HEATR4: variants seen among roughly 807,000 people sequenced by gnomAD.
The protein encoded by HEATR4 is HEAT repeat-containing protein 4.
A neutral mutation model predicts 108.8 loss-of-function variants in HEATR4; 95 were observed. The observed-to-expected ratio is 0.87, with a 90% CI of 0.74 to 1.04. HEATR4 has a LOEUF of 1.04. Ranked by LOEUF, HEATR4 falls within the 50% of genes least tolerant of loss-of-function variation. HEATR4 has a pLI of 0.00. For missense variants in HEATR4, 1,152 were observed against 1,253.8 expected, an observed-to-expected ratio of 0.92 and a Z score of 1.23; for synonymous variants, 443 against 459.4, an observed-to-expected ratio of 0.96 and a Z score of 0.46.
chr14:73,497,062 G>T (rs1886149611), intron 14 of HEATR4, among the ~76,000 whole-genome samples: 1 of 152,104 alleles, frequency 6.6e-6, no homozygotes, highest in South Asian at 2.1e-4. Flanking sequence ...TGCCCAGCTA[G>T]TTTTTGTATT....
chr14:73,614,610 A>T, the HEATR4 span, among the ~76,000 whole-genome samples: 1 of 151,590 alleles, frequency 6.6e-6, no homozygotes, highest in Admixed American at 6.6e-5. Context: ...AGCCAGGCAT[A>T]GTGGCTCACA....
chr14:73,522,686 G>A lies in HEATR4; in HGVS notation c.467C>T (p.Thr156Ile). The change falls in exon 3 of 18, where the codon ACC becomes ATC. Residue 156 changes from threonine to isoleucine, a missense_variant. Transcript: ENST00000553558. ...KKLKKSKPAS[T>I]VREAPRPLIH... Reference sequence around the variant, plus strand: ...GAGAGGGCGGGGTGCTTCCCGGACGGTGCTGGCTGGCTTTGATTTCTTCAG... The same window carrying A: ...GAGAGGGCGGGGTGCTTCCCGGACGATGCTGGCTGGCTTTGATTTCTTCAG... 6.2e-7 allele frequency: 1 copy of A among 1,614,244 alleles called. No individual in the cohort carries two copies. Among genetic ancestry groups the A allele is most frequent in the South Asian group, 1.1e-5 (1 of 91,086 alleles).
intron 5 of HEATR4, among the ~76,000 whole-genome samples, chr14:73,516,822 G>GC (rs1304479749): frequency 6.6e-6 from 1 of 152,222 alleles, no homozygotes; most frequent in Non-Finnish European, 1.5e-5. Flanking sequence ...GGTCTAGGCT[G>GC]CGCACCCTTT....
chr14:73,512,062 G>A lies in HEATR4; in HGVS notation c.1502C>T (p.Thr501Ile), dbSNP rs1480351764. The change falls in exon 7 of 18, where the codon ACA becomes ATA. Residue 501 changes from threonine (T) to isoleucine (I), a missense_variant. Coordinates refer to ENST00000553558, the MANE Select transcript of HEATR4 (RefSeq NM_001220484.1). ...CCGTTCCAAAGCAGCTGTGGCACATGTGGTGATAGCTTTGATCCGAACGTC... is the reference window on the plus strand; with the variant it reads ...CCGTTCCAAAGCAGCTGTGGCACATATGGTGATAGCTTTGATCCGAACGTC... ...HDDVRIKAIT[T>I]CATAALERPR... 2.5e-6 allele frequency: 4 copies of A among 1,614,152 alleles called. No individual in the cohort carries two copies. The highest frequency in any genetic ancestry group is 3.4e-6 in the Non-Finnish European group (4 of 1,180,024).
chr14:73,509,705 C>A (rs1887079418), intron 7 of HEATR4, among the ~76,000 whole-genome samples: 1 of 149,966 alleles, frequency 6.7e-6, no homozygotes. Context: ...ATCATCTGGC[C>A]TCTAAACAGC....
Position 73,534,891 on chromosome 14 carries a change from G to A in HEATR4, c.-151-4647C>T, listed in dbSNP as rs2140308369. Among the ~76,000 whole-genome samples, 2 of 105,858 alleles carry A rather than the reference G, an allele frequency of 1.9e-5. 1 individual carries two copies. The highest frequency in any genetic ancestry group is 1.5e-3 in the East Asian group (2 of 1,316). The allele number at this position is 105,858 out of a possible 152,430, so 69.4% of individuals were successfully genotyped here. A position where few individuals can be genotyped will look rare whatever the true frequency, so the allele number is the denominator to read the frequency against. ...TCCTCCTGGGCTCAAGCAATCTCCT[G>A]CCTAGGCCTCCCCCCTAACAGCTGG... On this transcript the variant is annotated intron_variant, in intron 1 of 17. Coordinates refer to ENST00000553558, the MANE Select transcript of HEATR4 (RefSeq NM_001220484.1).
At chr14:73,595,137 CCA>C in the HEATR4 span, 3 of 1,614,196 alleles carry the variant, frequency 1.9e-6, no homozygotes, top group Non-Finnish European at 2.5e-6. Flanking sequence ...AATGTCTCAG[CCA>C]CAGTTTCCAT....
chr14:73,562,661 C>T (rs543833083), upstream of HEATR4, among the ~76,000 whole-genome samples: 11 of 151,898 alleles, frequency 7.2e-5, no homozygotes, highest in South Asian at 8.3e-4. Context: ...GCATTCCTGG[C>T]GGGAGGTCTA....
At chr14:73,632,088 C>T in the HEATR4 span, 1 of 151,722 alleles carries the variant, frequency 6.6e-6, no homozygotes, top group African/African-American at 2.4e-5. Flanking sequence ...TAAATTTAAC[C>T]TTAATGAAAT....
chr14:73,528,915 T>C (rs962296279), intron 2 of HEATR4: 1 of 152,160 alleles, frequency 6.6e-6, no homozygotes, highest in Non-Finnish European at 1.5e-5. Context: ...AAAGGACTTA[T>C]TAATGGAGTT....
intron 1 of HEATR4, among the ~76,000 whole-genome samples, chr14:73,557,215 G>C (rs1287721664): frequency 6.1e-5 from 7 of 114,040 alleles, no homozygotes; most frequent in African/African-American, 2.0e-4. Context: ...GGTTGGAAGG[G>C]TTAGGCCACA....
chr14:73,575,863 A>G, the HEATR4 span, among the ~76,000 whole-genome samples: 3 of 152,176 alleles, frequency 2.0e-5, no homozygotes, highest in Admixed American at 6.5e-5. Flanking sequence ...CTGAATGAGT[A>G]TAAGTGAGCC....
intron 17 of HEATR4, among the ~76,000 whole-genome samples, chr14:73,483,576 C>G (rs1238957414): frequency 6.6e-6 from 1 of 152,076 alleles, no homozygotes; most frequent in African/African-American, 2.4e-5. Flanking sequence ...TAAATACTTT[C>G]AAGCACAATT....
At chr14:73,479,435 C>CTT (rs1566814183) in intron 17 of HEATR4, among the ~76,000 whole-genome samples, 5 of 89,722 alleles carry the variant, frequency 5.6e-5, no homozygotes, top group African/African-American at 1.8e-4. Context: ...TTCTTTCTTT[C>CTT]TTTCTTTTTT....
At chr14:73,604,153 T>C in the HEATR4 span, among the ~76,000 whole-genome samples, 2 of 143,246 alleles carry the variant, frequency 1.4e-5, no homozygotes, top group African/African-American at 5.2e-5. Flanking sequence ...AGATTTTTCA[T>C]TTGCTAATTT....
chr14:73,508,315 A>T lies in HEATR4; in HGVS notation c.1721-21T>A, dbSNP rs190826479. ...GTTACCTGCCACAGTTGGGTGAAAAAGAGTTCAGAATGGTGATGTGTTTTC... is the reference window on the plus strand; with the variant it reads ...GTTACCTGCCACAGTTGGGTGAAAATGAGTTCAGAATGGTGATGTGTTTTC... On this transcript the variant is annotated intron_variant, in intron 8 of 17. Coordinates refer to ENST00000553558, the MANE Select transcript of HEATR4 (RefSeq NM_001220484.1). 1.4e-3 allele frequency: 2,209 copies of T among 1,611,630 alleles called. 4 individuals carry two copies. The highest frequency in any genetic ancestry group is 1.7e-3 in the Non-Finnish European group (1,974 of 1,178,918).
upstream of HEATR4, among the ~76,000 whole-genome samples, chr14:73,561,963 G>A (rs564365143): frequency 6.6e-6 from 1 of 152,210 alleles, no homozygotes; most frequent in South Asian, 2.1e-4. Context: ...CAGAGCCTGG[G>A]TGACAGAGCA....
intron 7 of HEATR4, among the ~76,000 whole-genome samples, chr14:73,510,548 G>T (rs1887188858): frequency 6.6e-6 from 1 of 151,968 alleles, no homozygotes. Flanking sequence ...CGATTCTTCT[G>T]CCTCAGCCTT....
At chr14:73,488,302 G>C (rs181152052) in intron 17 of HEATR4, among the ~76,000 whole-genome samples, 4 of 152,160 alleles carry the variant, frequency 2.6e-5, no homozygotes, top group African/African-American at 9.7e-5. Flanking sequence ...ACGGAGTCTC[G>C]CTGTGTCGCC....
Sources: allele counts gnomAD v4.1 joint callset (sites outside exome capture counted in the v4.1 genomes callset), GRCh38; gene constraint gnomAD v4.1.1; transcripts MANE v1.5; gene names NCBI Gene and HGNC (gene_info 2026-07-23, HGNC 2026-07-21).